The following SPAG17 variants were observed in gnomAD, a reference collection of about 807,000 sequenced individuals.
The protein encoded by SPAG17 is sperm associated antigen 17.
Under a neutral mutation model 273.6 loss-of-function variants are expected in SPAG17, and 169 were observed. That is an observed-to-expected ratio of 0.62 (90% CI 0.55 to 0.70). The LOEUF (loss-of-function observed/expected upper bound fraction) is 0.70, where lower values mean the gene tolerates loss of function less well. Ranked by LOEUF, SPAG17 falls within the 30% of genes least tolerant of loss-of-function variation. SPAG17 has a pLI of 0.00. For missense variants in SPAG17, 2,557 were observed against 2,627.8 expected (o/e 0.97, Z 0.59); for synonymous variants, 825 against 873.2 (o/e 0.94, Z 0.97).
chr1:117,985,171 AC>A (rs1194273095), intron 40 of SPAG17, among the ~76,000 whole-genome samples: 3 of 152,240 alleles, frequency 2.0e-5, no homozygotes, highest in African/African-American at 7.2e-5. Flanking sequence ...AGCAGTAGTA[AC>A]AAAAAAACCC....
intron 43 of SPAG17, among the ~76,000 whole-genome samples, chr1:117,976,121 A>G (rs541779514): frequency 2.6e-5 from 4 of 152,120 alleles, no homozygotes; most frequent in Non-Finnish European, 4.4e-5. Flanking sequence ...TAGAGCCTGT[A>G]CTCTTAGCTC....
chr1:117,993,984 C>T (rs1041087561), intron 35 of SPAG17, among the ~76,000 whole-genome samples: 8 of 151,984 alleles, frequency 5.3e-5, no homozygotes, highest in Admixed American at 4.6e-4. Flanking sequence ...TCAGTTCGTG[C>T]ATTTTTAATA....
chr1:118,083,822 T>A (rs1654788327), intron 13 of SPAG17, among the ~76,000 whole-genome samples: 1 of 151,996 alleles, frequency 6.6e-6, no homozygotes, highest in South Asian at 2.1e-4. Flanking sequence ...CAGGGATGAC[T>A]CCAAGGTTTT....
chr1:118,124,605 G>A (rs1657600745), intron 3 of SPAG17, among the ~76,000 whole-genome samples: 1 of 152,178 alleles, frequency 6.6e-6, no homozygotes, highest in Non-Finnish European at 1.5e-5. Flanking sequence ...AGTAGTAGTA[G>A]GTGCTCAGAC....
Position 118,039,345 on chromosome 1 carries a change from TC to T in SPAG17, c.3265del (p.Asp1089IlefsTer4). 6.2e-7 allele frequency: 1 copy of T among 1,613,450 alleles called. No homozygotes were observed. The highest frequency in any genetic ancestry group is 2.2e-5 in the East Asian group (1 of 44,850). On this transcript the variant is annotated frameshift_variant, in exon 23 of 49. Coordinates refer to ENST00000336338, the MANE Select transcript of SPAG17 (RefSeq NM_206996.4). LOFTEE classifies it high-confidence loss of function. ...KEIVKKEEKG[D>X]YYLEEEEEGD... ...TTCTTCTTCCTCTTCTAAATAATAA[TC>T]CCCTTTCTCTTCCTTTTTCACAATT...
intron 18 of SPAG17, among the ~76,000 whole-genome samples, chr1:118,063,949 A>G (rs910545605): frequency 6.6e-6 from 1 of 152,230 alleles, no homozygotes; most frequent in African/African-American, 2.4e-5. Flanking sequence ...ACTTCTCAAA[A>G]GAAGACATTT....
At position 118,073,882 on chromosome 1, in the gene SPAG17, T is replaced by C; in HGVS notation, c.2357A>G (p.Glu786Gly). ...QRSLMDWSFT[E>G]HFKPKVLLQV... Reference sequence around the variant, plus strand: ...AAGCAGTACTTTCGGTTTAAAATGTTCAGTAAAACTCCAGTCCATTAGACT... The same window carrying C: ...AAGCAGTACTTTCGGTTTAAAATGTCCAGTAAAACTCCAGTCCATTAGACT... Residue 786 changes from glutamate (E) to glycine (G), a missense_variant, in exon 17 of 49, where the codon GAA (glutamate) becomes GGA (glycine). Physicochemically the swap from Glu to Gly is moderately conservative, Grantham distance 98 (BLOSUM62 -2). Coordinates refer to ENST00000336338, the MANE Select transcript of SPAG17 (RefSeq NM_206996.4). 1 of 1,580,592 alleles carries C rather than the reference T, an allele frequency of 6.3e-7. No individual in the cohort carries two copies. Among genetic ancestry groups the C allele is most frequent in the Non-Finnish European group, 8.6e-7 (1 of 1,168,872 alleles).
chr1:118,009,893 G>A (rs1659293861), intron 30 of SPAG17, among the ~76,000 whole-genome samples: 1 of 151,860 alleles, frequency 6.6e-6, no homozygotes, highest in Non-Finnish European at 1.5e-5. Context: ...AGTAAATATA[G>A]GCAATAGAAT....
Position 118,031,787 on chromosome 1 carries a change from C to G in SPAG17, c.3514G>C (p.Val1172Leu), listed in dbSNP as rs536383245. ...TTCCCTTTAGCTTTGCTTTGAGGAA[C>G]GGTCACTATAACAGGAACCACTGTT... is the stretch of plus-strand genomic sequence containing the variant. ...TPTVVPVIVTVPQSKAKGKIK... is the reference protein window; with the variant it reads ...TPTVVPVIVTLPQSKAKGKIK... Residue 1172 changes from valine (V) to leucine (L), a missense_variant, in exon 25 of 49, where the codon GTT becomes CTT. Val to Leu is a conservative substitution (Grantham distance 32, BLOSUM62 1). Transcript: ENST00000336338. 2 of 1,613,646 alleles carry G rather than the reference C, an allele frequency of 1.2e-6. No individual in the cohort carries two copies. Among genetic ancestry groups the G allele is most frequent in the Non-Finnish European group, 1.7e-6 (2 of 1,179,724 alleles).
At chr1:118,041,688 A>G in intron 21 of SPAG17, 115 bp downstream of exon 21, 1 of 1,371,816 alleles carries the variant, frequency 7.3e-7, no homozygotes, top group East Asian at 2.3e-5. Flanking sequence ...ATACCAGAAG[A>G]AACCCTAGGC....
At chr1:117,981,866 T>G (rs1056460864) in intron 42 of SPAG17, among the ~76,000 whole-genome samples, 1 of 152,226 alleles carries the variant, frequency 6.6e-6, no homozygotes, top group African/African-American at 2.4e-5. Context: ...GGAAACAAAT[T>G]TTAAAGAAAT....
At chr1:118,037,028 T>C in intron 23 of SPAG17, 145 bp from the exon 24 acceptor site, 1 of 602,294 alleles carries the variant, frequency 1.7e-6, no homozygotes, top group Non-Finnish European at 2.9e-6. Context: ...GACCATGCAC[T>C]CAGGGTTGTT....
intron 4 of SPAG17, among the ~76,000 whole-genome samples, chr1:118,106,675 C>G (rs1656418527): frequency 6.6e-6 from 1 of 152,142 alleles, no homozygotes; most frequent in African/African-American, 2.4e-5. Context: ...TCAGGGTGAT[C>G]TTTTGATCTA....
At chr1:117,989,855 C>T (rs778549632) in intron 38 of SPAG17, among the ~76,000 whole-genome samples, 3 of 152,148 alleles carry the variant, frequency 2.0e-5, no homozygotes, top group Non-Finnish European at 4.4e-5. Flanking sequence ...GCTAGGATTA[C>T]AGGCAAGAGC....
At chr1:118,124,385 GTC>G (rs1558029765) in intron 3 of SPAG17, among the ~76,000 whole-genome samples, 1 of 152,122 alleles carries the variant, frequency 6.6e-6, no homozygotes, top group African/African-American at 2.4e-5. Flanking sequence ...CACAGGGTTT[GTC>G]TCCTCTACTA....
chr1:118,125,047 C>T (rs1243782101), intron 3 of SPAG17, among the ~76,000 whole-genome samples: 2 of 152,108 alleles, frequency 1.3e-5, no homozygotes, highest in Admixed American at 6.5e-5. Flanking sequence ...TCTTGCTACC[C>T]TTACTAGTTT....
intron 3 of SPAG17, among the ~76,000 whole-genome samples, chr1:118,122,176 T>C (rs1657462732): frequency 1.3e-5 from 2 of 152,060 alleles, no homozygotes; most frequent in South Asian, 4.2e-4. Context: ...TGTGTGTGTG[T>C]GTGTTTACAG....
chr1:118,025,230 T>C lies in SPAG17; in HGVS notation c.3909+8A>G, dbSNP rs1417623165. The C allele has an allele frequency of 6.2e-7, 1 of 1,612,618 alleles. No individual in the cohort carries two copies. The highest frequency in any genetic ancestry group is 8.5e-7 in the Non-Finnish European group (1 of 1,179,166). The stretch of plus-strand genomic sequence containing the variant: ...GGGAAGAATAATTTCTCTAACACAT[T>C]CTTTTACCTGTGTGGATCCATCCAA... On this transcript the variant is annotated splice_region_variant and intron_variant, in intron 27 of 48. Coordinates refer to ENST00000336338, the MANE Select transcript of SPAG17 (RefSeq NM_206996.4).
intron 38 of SPAG17, 103 bp downstream of exon 38, chr1:117,990,758 A>T: frequency 1.4e-6 from 1 of 709,116 alleles, no homozygotes. Flanking sequence ...AGATATGTAC[A>T]TGGTGTCTTG....
Sources: gnomAD v4.1 joint callset for allele counts (sites outside exome capture counted in the v4.1 genomes callset) on GRCh38, gnomAD v4.1.1 for gene constraint, MANE v1.5 for transcripts, NCBI Gene and HGNC (gene_info 2026-07-23, HGNC 2026-07-21) for gene names.